GPC5: variants seen among roughly 807,000 people sequenced by gnomAD.
GPC5 encodes the protein glypican 5, also known as glypican-5.
Under a neutral mutation model 53.9 loss-of-function variants are expected in GPC5, and 47 were observed. The ratio of observed to expected loss-of-function variants is 0.87; its 90% CI spans 0.69 to 1.11. The LOEUF is 1.11. GPC5 is among the 50% of genes most tolerant of loss of function. The probability of loss-of-function intolerance (pLI) is 0.00; values close to 1 mark genes in which losing one functional copy is unlikely to be tolerated. For synonymous variants in GPC5, 286 were observed against 263.3 expected (o/e 1.09, Z -0.84); for missense variants, 748 against 713.1 (o/e 1.05, Z -0.56).
At chr13:92,601,554 CAAAAAAAAAAAAAAA>C (rs57333686) in intron 7 of GPC5, among the ~76,000 whole-genome samples, 2 of 67,402 alleles carry the variant, frequency 3.0e-5, no homozygotes, top group African/African-American at 8.6e-5. Flanking sequence ...GACTCCATCT[CAAAAAAAAAAAAAAA>C]AAAAAAAAGA....
At chr13:92,332,682 A>G (rs1208865469) in intron 7 of GPC5, among the ~76,000 whole-genome samples, 1 of 152,248 alleles carries the variant, frequency 6.6e-6, no homozygotes, top group African/African-American at 2.4e-5. Flanking sequence ...ATATTTCAAT[A>G]TAATTTGGAA....
At chr13:92,494,314 C>T (rs916540566) in intron 7 of GPC5, among the ~76,000 whole-genome samples, 1 of 152,188 alleles carries the variant, frequency 6.6e-6, no homozygotes, top group Non-Finnish European at 1.5e-5. Context: ...TGGTCTCGAT[C>T]TCCTGACCTC....
At chr13:92,676,551 A>G (rs1217233137) in intron 7 of GPC5, among the ~76,000 whole-genome samples, 2 of 152,178 alleles carry the variant, frequency 1.3e-5, no homozygotes, top group Non-Finnish European at 2.9e-5. Flanking sequence ...AATAAGAAGT[A>G]TGGAGTCAGG....
At chr13:91,739,921 C>G (rs2140062729) in intron 4 of GPC5, among the ~76,000 whole-genome samples, 1 of 151,446 alleles carries the variant, frequency 6.6e-6, no homozygotes, top group South Asian at 2.1e-4. Flanking sequence ...AGACTGCCAC[C>G]TACCTCAGGC....
intron 7 of GPC5, among the ~76,000 whole-genome samples, chr13:92,463,273 T>A (rs1165086434): frequency 2.0e-5 from 3 of 152,234 alleles, no homozygotes; most frequent in Non-Finnish European, 4.4e-5. Flanking sequence ...CTGGCTCTGA[T>A]GCAGTTTCTG....
intron 7 of GPC5, among the ~76,000 whole-genome samples, chr13:92,647,679 A>T (rs1307073562): frequency 6.6e-6 from 1 of 152,142 alleles, no homozygotes; most frequent in Non-Finnish European, 1.5e-5. Context: ...TTTTGAGTAC[A>T]TTATAGAATC....
At chr13:92,218,930 A>G (rs144441287) in intron 7 of GPC5, among the ~76,000 whole-genome samples, 2 of 152,210 alleles carry the variant, frequency 1.3e-5, no homozygotes, top group Non-Finnish European at 2.9e-5. Flanking sequence ...ACCAGAAATT[A>G]ACTCTGACTT....
intron 7 of GPC5, among the ~76,000 whole-genome samples, chr13:92,259,363 G>A (rs1335499264): frequency 6.6e-6 from 1 of 152,054 alleles, no homozygotes; most frequent in Non-Finnish European, 1.5e-5. Flanking sequence ...AAGATGCATA[G>A]GATATAAAAA....
At chr13:91,789,356 C>G (rs1471322592) in intron 5 of GPC5, among the ~76,000 whole-genome samples, 2 of 152,160 alleles carry the variant, frequency 1.3e-5, no homozygotes, top group African/African-American at 2.4e-5. Flanking sequence ...ACTCAAAAAG[C>G]CCTTTGATAA....
At chr13:92,487,010 C>T (rs775112410) in intron 7 of GPC5, among the ~76,000 whole-genome samples, 2 of 152,144 alleles carry the variant, frequency 1.3e-5, no homozygotes, top group Non-Finnish European at 2.9e-5. Flanking sequence ...CGCCCACCAT[C>T]ATGCCTGGCT....
intron 7 of GPC5, among the ~76,000 whole-genome samples, chr13:92,595,801 T>C (rs1883860582): frequency 6.6e-6 from 1 of 151,342 alleles, no homozygotes; most frequent in Non-Finnish European, 1.5e-5. Context: ...AGTATTTACT[T>C]TGTTTTATGG....
chr13:92,100,907 A>G (rs914381785), intron 6 of GPC5, among the ~76,000 whole-genome samples: 16 of 152,328 alleles, frequency 1.1e-4, no homozygotes, highest in South Asian at 4.1e-4. Flanking sequence ...ATCTTGGGCT[A>G]CAGTCACATG....
At chr13:91,610,730 T>C (rs2033521922) in intron 2 of GPC5, among the ~76,000 whole-genome samples, 1 of 152,234 alleles carries the variant, frequency 6.6e-6, no homozygotes, top group Non-Finnish European at 1.5e-5. Flanking sequence ...GGAATAAGTG[T>C]GACGAACGGT....
chr13:91,984,119 G>T (rs867350097), intron 6 of GPC5, among the ~76,000 whole-genome samples: 3 of 151,926 alleles, frequency 2.0e-5, no homozygotes, highest in South Asian at 2.1e-4. Context: ...AGTTGTTTTC[G>T]GTGGTCCTCA....
At position 92,527,206 on chromosome 13, in the gene GPC5, A is replaced by AGAAAG. The variant is rs1491173911; in HGVS notation, c.1562-339076_1562-339075insGAAAG. 1.1e-3 allele frequency among the ~76,000 whole-genome samples: 34 copies of AGAAAG among 30,462 alleles called. 2 individuals are homozygous for AGAAAG. Among genetic ancestry groups the AGAAAG allele is most frequent in the Non-Finnish European group, 1.3e-3 (26 of 19,488 alleles). The allele number at this position is 30,462 out of a possible 152,430, so 20.0% of individuals were successfully genotyped here. A position where few individuals can be genotyped will look rare whatever the true frequency, so the allele number is the denominator to read the frequency against. ...AGAAGAAAGAAAGAAAGAAAGAAAGAAAGAAAGAAAGAAAGAAAGAAAGAA... is the reference window on the plus strand; with the variant it reads ...AGAAGAAAGAAAGAAAGAAAGAAAGAGAAAGAAGAAAGAAAGAAAGAAAGAAAGAA... On this transcript the variant is annotated intron_variant, in intron 7 of 7. Coordinates refer to ENST00000377067, the MANE Select transcript of GPC5 (RefSeq NM_004466.6).
At chr13:92,657,183 T>C (rs951511744) in intron 7 of GPC5, among the ~76,000 whole-genome samples, 1 of 152,324 alleles carries the variant, frequency 6.6e-6, no homozygotes, top group African/African-American at 2.4e-5. Context: ...ATAAACATGA[T>C]AACCTGAAGC....
chr13:92,165,663 G>T (rs1410100460), intron 7 of GPC5, among the ~76,000 whole-genome samples: 2 of 152,150 alleles, frequency 1.3e-5, no homozygotes, highest in African/African-American at 4.8e-5. Flanking sequence ...CTAACACATG[G>T]GGATTACAAT....
chr13:92,455,276 A>G (rs924863216), intron 7 of GPC5, among the ~76,000 whole-genome samples: 1 of 152,230 alleles, frequency 6.6e-6, no homozygotes, highest in East Asian at 1.9e-4. Flanking sequence ...TAGTTATAAT[A>G]TGTCAGCTTA....
At chr13:92,282,658 G>A (rs1222347728) in intron 7 of GPC5, among the ~76,000 whole-genome samples, 2 of 152,066 alleles carry the variant, frequency 1.3e-5, no homozygotes, top group African/African-American at 4.8e-5. Flanking sequence ...CATAAGTGAA[G>A]GAGAAATAAA....
Sources: gnomAD v4.1 joint callset for allele counts (sites outside exome capture counted in the v4.1 genomes callset) on GRCh38, gnomAD v4.1.1 for gene constraint, MANE v1.5 for transcripts, NCBI Gene and HGNC (gene_info 2026-07-23, HGNC 2026-07-21) for gene names.